The following DSCAML1 variants were observed in gnomAD, a reference collection of about 807,000 sequenced individuals.
DSCAML1 encodes DS cell adhesion molecule like 1, also known as cell adhesion molecule DSCAML1.
Under a neutral mutation model 200.5 loss-of-function variants are expected in DSCAML1, and 38 were observed. The observed-to-expected ratio is 0.19, with a 90% CI of 0.15 to 0.25. DSCAML1 has a LOEUF of 0.25. DSCAML1 is among the 10% of genes least tolerant of loss of function. DSCAML1 has a pLI of 1.00. For synonymous variants in DSCAML1, 1,215 were observed against 1,165.0 expected, an observed-to-expected ratio of 1.04 and a Z score of -0.87; for missense variants, 2,223 against 2,858.8, an observed-to-expected ratio of 0.78 and a Z score of 5.07.
chr11:117,520,793 G>GGTGC (rs1419882239), intron 6 of DSCAML1, among the ~76,000 whole-genome samples: 2 of 140,016 alleles, frequency 1.4e-5, no homozygotes, highest in Admixed American at 7.1e-5. Flanking sequence ...CATGGTGCAA[G>GGTGC]ATGGTCCCTG....
chr11:117,717,860 C>A (rs931816343), intron 3 of DSCAML1, among the ~76,000 whole-genome samples: 22 of 152,244 alleles, frequency 1.4e-4, no homozygotes, highest in African/African-American at 5.3e-4. Flanking sequence ...TTTGGCCCAG[C>A]GAGGCAATGC....
chr11:117,514,572 CTTTTTTT>C (rs532136039), intron 8 of DSCAML1, among the ~76,000 whole-genome samples: 4,495 of 98,214 alleles, frequency 0.046, 124 homozygotes, highest in South Asian at 0.13. Flanking sequence ...TTTTCTTTTT[CTTTTTTT>C]TTTTTTTTTT....
At chr11:117,757,430 C>G (rs2054712787) in intron 3 of DSCAML1, among the ~76,000 whole-genome samples, 1 of 152,130 alleles carries the variant, frequency 6.6e-6, no homozygotes, top group East Asian at 1.9e-4. Flanking sequence ...CCCAAAGACC[C>G]TGCATTGACC....
chr11:117,743,559 C>T (rs2054461868), intron 3 of DSCAML1, among the ~76,000 whole-genome samples: 2 of 152,170 alleles, frequency 1.3e-5, no homozygotes, highest in South Asian at 4.1e-4. Context: ...TTGGGGCCAC[C>T]TCAGCTCCCG....
At chr11:117,640,388 G>A (rs1565844306) in intron 3 of DSCAML1, among the ~76,000 whole-genome samples, 1 of 152,230 alleles carries the variant, frequency 6.6e-6, no homozygotes, top group East Asian at 1.9e-4. Flanking sequence ...AAGGAAGGTA[G>A]GAGTGGGGAG....
intron 3 of DSCAML1, among the ~76,000 whole-genome samples, chr11:117,673,943 A>T (rs542047183): frequency 1.3e-5 from 2 of 152,240 alleles, no homozygotes; most frequent in Middle Eastern, 3.4e-3. Flanking sequence ...GCCTGGGAAG[A>T]TGGTGCTAAG....
chr11:117,527,630 A>G (rs1264127835), intron 4 of DSCAML1, among the ~76,000 whole-genome samples: 1 of 152,232 alleles, frequency 6.6e-6, no homozygotes, highest in Non-Finnish European at 1.5e-5. Context: ...CTGGGATCAC[A>G]ACATGGAGCT....
chr11:117,439,202 T>C, intron 23 of DSCAML1, 64 bp downstream of exon 23: 2 of 1,585,624 alleles, frequency 1.3e-6, no homozygotes. Flanking sequence ...TCTCGCATGA[T>C]GGAATCCCTA....
At position 117,477,392 on chromosome 11, in the gene DSCAML1, ATG is replaced by A. The variant is rs796616030; in HGVS notation, c.2785+3049_2785+3050del. ...TGTGTGTGTGTGTGTGTGTGTGTGT[ATG>A]TGTGTGTGTATGTGTATATTCTCAC... On this transcript the variant is annotated intron_variant, in intron 14 of 32. Coordinates refer to ENST00000651296, the MANE Select transcript of DSCAML1 (RefSeq NM_020693.4). 2.6e-3 allele frequency among the ~76,000 whole-genome samples: 221 copies of A among 84,482 alleles called. 3 individuals carry two copies. In the South Asian group the frequency reaches 0.033, roughly 13 times the overall value. 55.4% of individuals were successfully genotyped at this position (84,482 alleles called of 152,430 possible).
chr11:117,462,651 A>C (rs2048503232), intron 17 of DSCAML1, among the ~76,000 whole-genome samples: 1 of 152,244 alleles, frequency 6.6e-6, no homozygotes, highest in African/African-American at 2.4e-5. Context: ...TAGGTGTAAA[A>C]ATATAAGCAC....
At chr11:117,728,801 A>G (rs1168746735) in intron 3 of DSCAML1, among the ~76,000 whole-genome samples, 2 of 152,230 alleles carry the variant, frequency 1.3e-5, no homozygotes, top group African/African-American at 4.8e-5. Flanking sequence ...GACATAAATA[A>G]ATGGAAGGAT....
chr11:117,724,900 G>A (rs573147976), intron 3 of DSCAML1, among the ~76,000 whole-genome samples: 15 of 152,328 alleles, frequency 9.8e-5, no homozygotes, highest in African/African-American at 3.6e-4. Context: ...GCCTAGAAGT[G>A]CAGCAGGAGG....
chr11:117,614,244 A>C (rs1219845890), intron 3 of DSCAML1, among the ~76,000 whole-genome samples: 1 of 152,138 alleles, frequency 6.6e-6, no homozygotes, highest in African/African-American at 2.4e-5. Flanking sequence ...GCATCTGCTC[A>C]CATCGCTATC....
At chr11:117,461,733 T>A in intron 17 of DSCAML1, 137 bp from the exon 18 acceptor site, 1 of 736,682 alleles carries the variant, frequency 1.4e-6, no homozygotes, top group Non-Finnish European at 2.2e-6. Context: ...ACCTCCTGAC[T>A]TGAGCATCCT....
intron 3 of DSCAML1, among the ~76,000 whole-genome samples, chr11:117,705,898 C>T (rs541410091): frequency 6.6e-6 from 1 of 152,240 alleles, no homozygotes; most frequent in East Asian, 1.9e-4. Context: ...CAAATACGTG[C>T]CTTGCAAGAA....
chr11:117,809,153 G>A (rs893464144), intron 1 of DSCAML1, among the ~76,000 whole-genome samples: 4 of 152,274 alleles, frequency 2.6e-5, no homozygotes, highest in Admixed American at 6.5e-5. Flanking sequence ...TCAGATTTAG[G>A]AGAGGCGACC....
chr11:117,767,148 C>T (rs940043618), intron 3 of DSCAML1, among the ~76,000 whole-genome samples: 5 of 152,058 alleles, frequency 3.3e-5, no homozygotes, highest in Admixed American at 6.6e-5. Context: ...AAGGTGATGC[C>T]GGCCGCAGGG....
intron 11 of DSCAML1, among the ~76,000 whole-genome samples, chr11:117,487,184 C>T (rs918052679): frequency 4.6e-5 from 7 of 152,008 alleles, no homozygotes; most frequent in Admixed American, 3.9e-4. Context: ...CTCAGCCTCC[C>T]AAAGTGCTGG....
chr11:117,738,731 C>T (rs981128797), intron 3 of DSCAML1, among the ~76,000 whole-genome samples: 1 of 152,140 alleles, frequency 6.6e-6, no homozygotes, highest in Non-Finnish European at 1.5e-5. Flanking sequence ...ACTTTCATGA[C>T]CGTCTGCTGG....
Sources: gnomAD v4.1 joint callset for allele counts (sites outside exome capture counted in the v4.1 genomes callset) on GRCh38, gnomAD v4.1.1 for gene constraint, MANE v1.5 for transcripts, NCBI Gene and HGNC (gene_info 2026-07-23, HGNC 2026-07-21) for gene names.